Variants in NREP observed in about 807,000 individuals in gnomAD.
The protein encoded by NREP is neuronal regeneration-related protein.
NREP carries 5 observed loss-of-function variants against 8.6 expected under a neutral mutation model. The observed-to-expected ratio is 0.58, with a 90% CI of 0.30 to 1.22. The LOEUF (loss-of-function observed/expected upper bound fraction) is 1.22, where lower values mean the gene tolerates loss of function less well. Ranked by LOEUF, NREP falls within the 50% of genes most tolerant of loss-of-function variation. The probability of loss-of-function intolerance (pLI) is 0.07; values close to 1 mark genes in which losing one functional copy is unlikely to be tolerated. For missense variants in NREP, 86 were observed against 82.5 expected (o/e 1.04, Z -0.17); for synonymous variants, 27 against 28.0 (o/e 0.96, Z 0.11).
intron 2 of NREP, among the ~76,000 whole-genome samples, chr5:111,954,791 T>C (rs1229660943): frequency 1.3e-5 from 2 of 152,188 alleles, no homozygotes; most frequent in African/African-American, 4.8e-5. Flanking sequence ...ATGAAGAATG[T>C]AACTTCATTG....
intron 2 of NREP, among the ~76,000 whole-genome samples, chr5:111,851,168 T>C (rs949919555): frequency 1.3e-5 from 2 of 152,188 alleles, no homozygotes; most frequent in Admixed American, 6.6e-5. Flanking sequence ...TCTGCCTACA[T>C]TGAGGCATAG....
intron 2 of NREP, among the ~76,000 whole-genome samples, chr5:111,865,929 C>T (rs182061219): frequency 6.6e-6 from 1 of 152,260 alleles, no homozygotes; most frequent in African/African-American, 2.4e-5. Flanking sequence ...AGATCATAAA[C>T]TGTTCAACAA....
At chr5:111,842,010 A>C (rs1753041939) in intron 2 of NREP, among the ~76,000 whole-genome samples, 1 of 152,088 alleles carries the variant, frequency 6.6e-6, no homozygotes, top group South Asian at 2.1e-4. Context: ...TTTTGTTATG[A>C]AACATTGCTG....
In NREP at chr5:111,935,990, C is replaced by T. The variant is rs1248544805; in HGVS notation, c.135+39284G>A. 2.0e-5 allele frequency among the ~76,000 whole-genome samples: 3 copies of T among 152,090 alleles called. No homozygotes were observed. In the East Asian group the frequency reaches 5.8e-4, roughly 29 times the overall value. On this transcript the variant is annotated intron_variant, in intron 2 of 3. Transcript: ENST00000395634. The stretch of plus-strand genomic sequence containing the variant: ...GGAGGGAATGCTTCCTTGCCTCTTC[C>T]TAGCTTCTTATGGTTGCTGGGATCC...
At position 111,826,006 on chromosome 5, in the gene NREP, T is replaced by A. The variant is rs912681329; in HGVS notation, c.136-90499A>T. 7.3e-5 allele frequency among the ~76,000 whole-genome samples: 11 copies of A among 151,242 alleles called. 2 individuals are homozygous for A. Among genetic ancestry groups the A allele is most frequent in the Admixed American group, 2.6e-4 (4 of 15,154 alleles). On this transcript the variant is annotated intron_variant, in intron 2 of 3. Coordinates refer to the NREP transcript ENST00000395634. The stretch of plus-strand genomic sequence containing the variant: ...TCTTGCTCTGTCACCCAAGCTGGAA[T>A]GCAGTGGCACAGTCTCAGCTCACTG...
chr5:111,960,143 A>G (rs2112651302), intron 2 of NREP, among the ~76,000 whole-genome samples: 1 of 152,306 alleles, frequency 6.6e-6, no homozygotes, highest in South Asian at 2.1e-4. Context: ...ATTACAAATT[A>G]TGTTGATTCT....
At chr5:111,854,350 A>G (rs1233384827) in intron 2 of NREP, among the ~76,000 whole-genome samples, 2 of 152,146 alleles carry the variant, frequency 1.3e-5, no homozygotes, top group Non-Finnish European at 2.9e-5. Context: ...TGGCTCTGTC[A>G]GGGAGCACTT....
At chr5:111,757,701 G>T, upstream of NREP, 1 of 984,460 alleles carries the variant, frequency 1.0e-6, no homozygotes, top group Non-Finnish European at 1.2e-6. Flanking sequence ...GGGAGACAAA[G>T]CGGACCCGCA....
intron 2 of NREP, among the ~76,000 whole-genome samples, chr5:111,772,890 T>C (rs1751268125): frequency 6.6e-6 from 1 of 152,220 alleles, no homozygotes; most frequent in African/African-American, 2.4e-5. Context: ...GGTAATGTTA[T>C]CTTGTTACTA....
chr5:111,877,439 C>A (rs1489999658), intron 2 of NREP, among the ~76,000 whole-genome samples: 12 of 152,190 alleles, frequency 7.9e-5, no homozygotes, highest in Non-Finnish European at 4.4e-5. Flanking sequence ...ACATCAGAAT[C>A]ACTCTAAGGA....
At chr5:111,819,829 G>C (rs1477075881) in intron 2 of NREP, among the ~76,000 whole-genome samples, 1 of 152,120 alleles carries the variant, frequency 6.6e-6, no homozygotes, top group African/African-American at 2.4e-5. Flanking sequence ...TGGCCTTCTT[G>C]CACTTAGGAA....
chr5:111,797,472 T>C (rs1751900651), intron 2 of NREP, among the ~76,000 whole-genome samples: 1 of 152,202 alleles, frequency 6.6e-6, no homozygotes, highest in South Asian at 2.1e-4. Context: ...ACAAGTATCA[T>C]GTTCTGCATG....
At chr5:111,955,353 T>C (rs527589418) in intron 2 of NREP, among the ~76,000 whole-genome samples, 3 of 151,960 alleles carry the variant, frequency 2.0e-5, no homozygotes, top group Admixed American at 6.6e-5. Context: ...ATAAAATTAA[T>C]AGTTGAGTGA....
At chr5:111,784,736 C>T (rs771633745) in intron 2 of NREP, among the ~76,000 whole-genome samples, 2 of 152,126 alleles carry the variant, frequency 1.3e-5, no homozygotes, top group Non-Finnish European at 2.9e-5. Context: ...CCTTATTTGG[C>T]TGCAAATTAC....
intron 2 of NREP, among the ~76,000 whole-genome samples, chr5:111,885,513 A>G (rs924493694): frequency 1.3e-5 from 2 of 152,130 alleles, no homozygotes; most frequent in Non-Finnish European, 2.9e-5. Flanking sequence ...AGCCTGCATC[A>G]CCAAGTCCTA....
intron 3 of NREP, chr5:111,733,399 C>T (rs1207764237): frequency 6.6e-6 from 1 of 152,144 alleles, no homozygotes; most frequent in Non-Finnish European, 1.5e-5. Context: ...AGAGGTGCTC[C>T]TGAGGAGACA....
intron 2 of NREP, among the ~76,000 whole-genome samples, chr5:111,762,737 A>G (rs1325223157): frequency 6.6e-6 from 1 of 152,192 alleles, no homozygotes. Context: ...AGAACTGTAA[A>G]GAAATGAATG....
At chr5:111,753,148 T>A (rs1308045716) in intron 2 of NREP, among the ~76,000 whole-genome samples, 1 of 151,698 alleles carries the variant, frequency 6.6e-6, no homozygotes, top group Admixed American at 6.6e-5. Context: ...AAATGTTCTG[T>A]TCAACTAAGA....
chr5:111,900,500 A>T (rs1337577844), intron 2 of NREP, among the ~76,000 whole-genome samples: 1 of 152,052 alleles, frequency 6.6e-6, no homozygotes, highest in Non-Finnish European at 1.5e-5. Context: ...AAAAAGGATA[A>T]GTTGATAAAC....
Sources: allele counts gnomAD v4.1 joint callset (sites outside exome capture counted in the v4.1 genomes callset), GRCh38; gene constraint gnomAD v4.1.1; transcripts MANE v1.5; gene names NCBI Gene and HGNC (gene_info 2026-07-23, HGNC 2026-07-21).